SPMIP11: variants seen among roughly 807,000 people sequenced by gnomAD.
SPMIP11 encodes the protein sperm microtubule inner protein 11.
the SPMIP11 span, among the ~76,000 whole-genome samples, chr12:48,730,397 C>T: frequency 2.7e-3 from 414 of 152,156 alleles, 2 homozygotes; most frequent in Non-Finnish European, 4.8e-3. Context: ...ACCCCTACTC[C>T]CTGCTTGCTT....
At chr12:48,763,741 C>T in the SPMIP11 span, among the ~76,000 whole-genome samples, 4 of 150,014 alleles carry the variant, frequency 2.7e-5, no homozygotes, top group Admixed American at 6.6e-5. Flanking sequence ...TGCAGTGGCA[C>T]GATCTCAGCT....
chr12:48,728,536 G>A, the SPMIP11 span, among the ~76,000 whole-genome samples: 13 of 151,970 alleles, frequency 8.6e-5, no homozygotes, highest in African/African-American at 2.7e-4. Flanking sequence ...GTGAAACCCC[G>A]TCTCTACTAA....
chr12:48,741,619 T>C, the SPMIP11 span, among the ~76,000 whole-genome samples: 68 of 152,062 alleles, frequency 4.5e-4, no homozygotes, highest in Admixed American at 2.0e-3. Context: ...TAATTTCTGA[T>C]AAGATTCTTT....
the SPMIP11 span, among the ~76,000 whole-genome samples, chr12:48,769,994 C>T: frequency 2.0e-5 from 3 of 151,850 alleles, no homozygotes; most frequent in Non-Finnish European, 2.9e-5. Flanking sequence ...ATCTCTTGAC[C>T]TCGTGATCCG....
At chr12:48,765,606 G>C in the SPMIP11 span, 7 of 702,804 alleles carry the variant, frequency 1.0e-5, no homozygotes, top group Admixed American at 2.0e-5. Context: ...CTTCTTTCCA[G>C]GTTTATGGAT....
At chr12:48,746,846 G>A in the SPMIP11 span, among the ~76,000 whole-genome samples, 3 of 151,968 alleles carry the variant, frequency 2.0e-5, no homozygotes, top group African/African-American at 7.2e-5. Context: ...ACTTGAACCC[G>A]GGAGGCGGAG....
chr12:48,743,716 C>A, the SPMIP11 span, among the ~76,000 whole-genome samples: 1 of 151,686 alleles, frequency 6.6e-6, no homozygotes, highest in Non-Finnish European at 1.5e-5. Context: ...CCAAGGCGGG[C>A]GGATCGCCTG....
the SPMIP11 span, chr12:48,771,159 C>A: frequency 2.0e-3 from 1,251 of 610,808 alleles, 12 homozygotes; most frequent in African/African-American, 0.021. This position sits in a 1 kb window ranked among gnomAD's most constrained non-coding sequence, Gnocchi z 4.3. Context: ...CCAGGCAGGA[C>A]TTGGGCATAC....
At chr12:48,769,923 G>A in the SPMIP11 span, among the ~76,000 whole-genome samples, 31 of 151,756 alleles carry the variant, frequency 2.0e-4, no homozygotes, top group Non-Finnish European at 3.8e-4. Context: ...CACCACACCC[G>A]GCTAATTTTT....
At chr12:48,758,772 T>A in the SPMIP11 span, among the ~76,000 whole-genome samples, 1 of 152,244 alleles carries the variant, frequency 6.6e-6, no homozygotes, top group African/African-American at 2.4e-5. Context: ...CTGTCTGAAA[T>A]GCTCTTCCTG....
At chr12:48,736,267 C>T in the SPMIP11 span, 4 of 306,946 alleles carry the variant, frequency 1.3e-5, no homozygotes, top group South Asian at 1.0e-4. Flanking sequence ...CGAAAATTAG[C>T]CAGGCGTGGT....
At chr12:48,753,301 C>G in the SPMIP11 span, among the ~76,000 whole-genome samples, 1 of 152,200 alleles carries the variant, frequency 6.6e-6, no homozygotes, top group Admixed American at 6.5e-5. Context: ...GACATGCTGA[C>G]CTTCAAGCTG....
chr12:48,741,967 C>A, the SPMIP11 span, among the ~76,000 whole-genome samples: 1 of 152,154 alleles, frequency 6.6e-6, no homozygotes, highest in Non-Finnish European at 1.5e-5. Context: ...CAAACTTTCA[C>A]CCACTGATTT....
At chr12:48,736,392 C>A in the SPMIP11 span, among the ~76,000 whole-genome samples, 6 of 122,836 alleles carry the variant, frequency 4.9e-5, no homozygotes, top group African/African-American at 6.3e-5. Flanking sequence ...CCAGCCTGGG[C>A]AACAGAGTGA....
the SPMIP11 span, chr12:48,727,469 G>A: frequency 4.3e-5 from 30 of 702,724 alleles, no homozygotes; most frequent in Non-Finnish European, 7.3e-5. Flanking sequence ...AAGAGGCCAG[G>A]GAGGATCTGA....
the SPMIP11 span, chr12:48,764,744 G>A: frequency 2.1e-5 from 13 of 626,184 alleles, no homozygotes; most frequent in Admixed American, 5.0e-5. Flanking sequence ...CACCTGGTCC[G>A]GCCAAGCAGT....
At chr12:48,754,009 A>G in the SPMIP11 span, among the ~76,000 whole-genome samples, 1 of 152,072 alleles carries the variant, frequency 6.6e-6, no homozygotes, top group African/African-American at 2.4e-5. Context: ...GGCTTTTCAA[A>G]CAGGAGCATA....
chr12:48,753,724 G>A, the SPMIP11 span, among the ~76,000 whole-genome samples: 2 of 123,830 alleles, frequency 1.6e-5, no homozygotes, highest in African/African-American at 3.0e-5. Flanking sequence ...TTTTTTTGGA[G>A]ACAGTCTCAC....
At chr12:48,765,843 T>C in the SPMIP11 span, 1 of 579,512 alleles carries the variant, frequency 1.7e-6, no homozygotes, top group African/African-American at 1.9e-5. Context: ...GTGATTCCAG[T>C]GTCCAGATTG....
Sources: gnomAD v4.1 joint callset for allele counts (sites outside exome capture counted in the v4.1 genomes callset) on GRCh38, gnomAD v4.1.1 for gene constraint, Gnocchi (gnomAD v3.1) non-coding constraint, MANE v1.5 for transcripts, NCBI Gene and HGNC (gene_info 2026-07-23, HGNC 2026-07-21) for gene names.